Variants in HS3ST4 observed in about 807,000 individuals in gnomAD.
HS3ST4 encodes the protein heparan sulfate glucosamine 3-O-sulfotransferase 4.
HS3ST4 carries 17 observed loss-of-function variants against 29.2 expected under a neutral mutation model. That is an observed-to-expected ratio of 0.58 (90% CI 0.40 to 0.87). The LOEUF (loss-of-function observed/expected upper bound fraction) is 0.87. Ranked by LOEUF, HS3ST4 falls within the 40% of genes least tolerant of loss-of-function variation. The probability of loss-of-function intolerance (pLI) is 0.00; values close to 1 mark genes in which losing one functional copy is unlikely to be tolerated. For missense variants in HS3ST4, 627 were observed against 634.5 expected (o/e 0.99, Z 0.13); for synonymous variants, 314 against 285.7 (o/e 1.10, Z -1.00).
At chr16:25,764,277 G>C (rs1966805056) in intron 1 of HS3ST4, among the ~76,000 whole-genome samples, 1 of 152,210 alleles carries the variant, frequency 6.6e-6, no homozygotes, top group Non-Finnish European at 1.5e-5. Context: ...GCAGGAGAAA[G>C]AGAGGGTGAG....
intron 1 of HS3ST4, among the ~76,000 whole-genome samples, chr16:26,100,180 C>T (rs970257173): frequency 2.0e-5 from 3 of 152,084 alleles, no homozygotes; most frequent in African/African-American, 4.8e-5. Flanking sequence ...AACAACCTAT[C>T]GAGGGTACTA....
Position 26,135,966 on chromosome 16 carries a change from C to A in HS3ST4, c.1089C>A (p.Asp363Glu), listed in dbSNP as rs754579224. The A allele has an allele frequency of 1.2e-6, 2 of 1,613,968 alleles. No homozygotes were observed. Among genetic ancestry groups the A allele is most frequent in the East Asian group, 4.5e-5 (2 of 44,854 alleles). Residue 363 changes from aspartate (D) to glutamate (E), a missense_variant, in exon 2 of 2, where the codon GAC becomes GAA. Physicochemically the swap from Asp to Glu is conservative, Grantham distance 45. This residue lies in a region of HS3ST4 where 225 missense variants were observed against 293.7 expected (regional missense o/e 0.77). Coordinates refer to ENST00000331351, the MANE Select transcript of HS3ST4 (RefSeq NM_006040.3). ...LFVSGERLIV[D>E]PAGEMAKVQD... ...TCAGTGGTGAGCGACTCATTGTGGA[C>A]CCCGCCGGGGAAATGGCCAAAGTAC...
intron 1 of HS3ST4, among the ~76,000 whole-genome samples, chr16:25,818,668 T>TA (rs77774970): frequency 0.024 from 3,659 of 152,290 alleles, 106 homozygotes; most frequent in East Asian, 0.1. Context: ...AGGCCTTTGA[T>TA]AAAAAATTAG....
intron 1 of HS3ST4, among the ~76,000 whole-genome samples, chr16:26,060,752 T>C (rs913913872): frequency 2.0e-5 from 3 of 152,202 alleles, no homozygotes; most frequent in African/African-American, 7.2e-5. Flanking sequence ...AGCAGCAGTT[T>C]CTATTTCTCT....
At chr16:26,036,209 G>T (rs1177708400) in intron 1 of HS3ST4, among the ~76,000 whole-genome samples, 1 of 152,242 alleles carries the variant, frequency 6.6e-6, no homozygotes, top group Non-Finnish European at 1.5e-5. Context: ...GCCCCATTAA[G>T]ATAACACTGG....
chr16:25,854,322 T>C (rs554880190), intron 1 of HS3ST4, among the ~76,000 whole-genome samples: 1 of 152,242 alleles, frequency 6.6e-6, no homozygotes, highest in East Asian at 1.9e-4. Context: ...TTCCTGACAT[T>C]GTCATGGCAT....
chr16:25,957,387 G>A (rs937217142), intron 1 of HS3ST4, among the ~76,000 whole-genome samples: 4 of 150,236 alleles, frequency 2.7e-5, no homozygotes, highest in Non-Finnish European at 5.9e-5. Flanking sequence ...CAGCAATGTA[G>A]CCTATGAAAG....
At chr16:26,070,545 A>T (rs1421001016) in intron 1 of HS3ST4, among the ~76,000 whole-genome samples, 2 of 152,206 alleles carry the variant, frequency 1.3e-5, no homozygotes, top group Non-Finnish European at 2.9e-5. Context: ...ACAGTCACTA[A>T]GTTTTCAGAC....
chr16:26,096,590 G>A (rs561073706), intron 1 of HS3ST4, among the ~76,000 whole-genome samples: 3 of 152,166 alleles, frequency 2.0e-5, no homozygotes, highest in East Asian at 3.9e-4. Flanking sequence ...TTGATAGAAC[G>A]TATCTCAAAA....
chr16:26,038,825 AG>A (rs1250327266), intron 1 of HS3ST4, among the ~76,000 whole-genome samples: 5 of 152,032 alleles, frequency 3.3e-5, no homozygotes, highest in African/African-American at 7.2e-5. Context: ...CTGGGACTAC[AG>A]TCATCTGCCA....
chr16:25,925,071 A>G (rs1390147613), intron 1 of HS3ST4, among the ~76,000 whole-genome samples: 1 of 152,024 alleles, frequency 6.6e-6, no homozygotes, highest in Non-Finnish European at 1.5e-5. Flanking sequence ...GGTACCAGAC[A>G]GCAGTCAGAA....
chr16:25,694,790 T>C (rs1182199510), intron 1 of HS3ST4, among the ~76,000 whole-genome samples: 1 of 151,816 alleles, frequency 6.6e-6, no homozygotes, highest in Non-Finnish European at 1.5e-5. Flanking sequence ...CCAATTCTAA[T>C]TTTAGAATTA....
chr16:25,721,130 GAGTT>G (rs1489193204), intron 1 of HS3ST4, among the ~76,000 whole-genome samples: 2 of 152,220 alleles, frequency 1.3e-5, no homozygotes, highest in African/African-American at 4.8e-5. Flanking sequence ...CACAGACTAA[GAGTT>G]AGTAGTGAGG....
intron 1 of HS3ST4, among the ~76,000 whole-genome samples, chr16:25,711,092 G>A (rs943125031): frequency 1.3e-5 from 2 of 152,066 alleles, no homozygotes; most frequent in Admixed American, 6.5e-5. Context: ...CAAAGGGGCT[G>A]GGATTACAGG....
At chr16:25,817,394 G>T (rs1030292933) in intron 1 of HS3ST4, among the ~76,000 whole-genome samples, 18 of 152,188 alleles carry the variant, frequency 1.2e-4, no homozygotes, top group African/African-American at 4.1e-4. Flanking sequence ...GGTTTTGAGG[G>T]TCATACAACC....
At position 26,065,967 on chromosome 16, in the gene HS3ST4, C is replaced by T. The variant is rs145328821; in HGVS notation, c.735-69645C>T. ...GACAACAAAATAATTGTCTACATCA[C>T]GTATACGTTAATAAGACACATGTCT... On this transcript the variant is annotated intron_variant, in intron 1 of 1. Coordinates refer to ENST00000331351, the MANE Select transcript of HS3ST4 (RefSeq NM_006040.3). Among the ~76,000 whole-genome samples, 666 of 152,308 alleles carry T rather than the reference C, an allele frequency of 4.4e-3. 5 individuals carry two copies. The highest frequency in any genetic ancestry group is 0.015 in the African/African-American group (643 of 41,542).
intron 1 of HS3ST4, among the ~76,000 whole-genome samples, chr16:25,745,505 A>G (rs376369435): frequency 1.6e-4 from 25 of 152,332 alleles, no homozygotes; most frequent in African/African-American, 4.8e-4. Context: ...GCCATGTCCT[A>G]TATTTTTAAA....
Position 25,958,750 on chromosome 16 carries a change from G to T in HS3ST4, c.735-176862G>T, listed in dbSNP as rs534991118. Among the ~76,000 whole-genome samples, 30 of 152,328 alleles carry T rather than the reference G, an allele frequency of 2.0e-4. No individual in the cohort carries two copies. The South Asian group carries it at 5.8e-3, about 29-fold the overall frequency. ...AACCAGTACTGGCTTTCAGCTGGGAGCTCAGTTGTTGGAGGGTAGTTCTCT... is the reference window on the plus strand; with the variant it reads ...AACCAGTACTGGCTTTCAGCTGGGATCTCAGTTGTTGGAGGGTAGTTCTCT... On this transcript the variant is annotated intron_variant, in intron 1 of 1. Coordinates refer to ENST00000331351, the MANE Select transcript of HS3ST4 (RefSeq NM_006040.3).
intron 1 of HS3ST4, among the ~76,000 whole-genome samples, chr16:26,118,952 TAAC>T (rs1437143535): frequency 6.6e-6 from 1 of 152,228 alleles, no homozygotes; most frequent in Non-Finnish European, 1.5e-5. Flanking sequence ...ATAGCAACAA[TAAC>T]AACAACTAAT....
Sources: allele counts gnomAD v4.1 joint callset (sites outside exome capture counted in the v4.1 genomes callset), GRCh38; gene constraint gnomAD v4.1.1; regional missense constraint gnomAD v4.1.1; transcripts MANE v1.5; gene names NCBI Gene and HGNC (gene_info 2026-07-23, HGNC 2026-07-21).